HIGD1C: variants seen among roughly 807,000 people sequenced by gnomAD.
HIGD1C encodes HIG1 domain family member 1C.
Under a neutral mutation model 13.1 loss-of-function variants are expected in HIGD1C, and 11 were observed. That is an observed-to-expected ratio of 0.84 (90% CI 0.53 to 1.39). The LOEUF is 1.39. Among genes scored for constraint, HIGD1C ranks in the 40% most tolerant of loss-of-function variants. The pLI, the probability that HIGD1C is intolerant of heterozygous loss-of-function variation, is 0.00. For synonymous variants in HIGD1C, 36 were observed against 37.7 expected (o/e 0.95, Z 0.17); for missense variants, 110 against 112.0 (o/e 0.98, Z 0.08).
upstream of HIGD1C, among the ~76,000 whole-genome samples, chr12:50,950,670 A>ATTTTTTTTT (rs57553489): frequency 1.1e-5 from 1 of 87,686 alleles, no homozygotes; most frequent in Non-Finnish European, 2.1e-5. Flanking sequence ...TGCCCAGCTA[A>ATTTTTTTTT]TTTTTTTTTT....
chr12:50,971,051 T>G (rs1234427124), downstream of HIGD1C, among the ~76,000 whole-genome samples: 2 of 152,110 alleles, frequency 1.3e-5, no homozygotes, highest in African/African-American at 4.8e-5. Context: ...GCTAATTTTT[T>G]GTATTTTTAG....
chr12:50,959,191 C>T (rs1270480552), intron 1 of HIGD1C, among the ~76,000 whole-genome samples: 1 of 152,104 alleles, frequency 6.6e-6, no homozygotes, highest in Non-Finnish European at 1.5e-5. Flanking sequence ...GCAATCTCAG[C>T]TCACTGCAAC....
chr12:50,932,826 G>C, the HIGD1C span, among the ~76,000 whole-genome samples: 1 of 152,300 alleles, frequency 6.6e-6, no homozygotes, highest in Non-Finnish European at 1.5e-5. Flanking sequence ...TCTCTTGAAC[G>C]TGAAAAGTTA....
chr12:50,946,929 C>A, the HIGD1C span, among the ~76,000 whole-genome samples: 2 of 151,990 alleles, frequency 1.3e-5, no homozygotes, highest in African/African-American at 2.4e-5. Context: ...TAAATAAAAA[C>A]AAAAAATAAA....
chr12:50,954,020 T>A (rs1486652123), exon 1 of HIGD1C: 1 of 1,612,188 alleles, frequency 6.2e-7, no homozygotes, highest in Non-Finnish European at 8.5e-7. Flanking sequence ...TAACCAGTGG[T>A]CAGCAGATGA....
chr12:50,963,968 C>T (rs76118172), intron 2 of HIGD1C, among the ~76,000 whole-genome samples: 3,937 of 152,238 alleles, frequency 0.026, 91 homozygotes, highest in East Asian at 0.078. Context: ...CAAAAGCATG[C>T]TAGTTATCTC....
upstream of HIGD1C, among the ~76,000 whole-genome samples, chr12:50,952,076 T>G (rs1442476696): frequency 2.1e-5 from 3 of 143,032 alleles, no homozygotes; most frequent in Non-Finnish European, 3.1e-5. Context: ...TTTTTTTTTT[T>G]TTTTGCTATT....
At chr12:50,971,118 G>A (rs1171892780), downstream of HIGD1C, among the ~76,000 whole-genome samples, 1 of 152,120 alleles carries the variant, frequency 6.6e-6, no homozygotes, top group Admixed American at 6.5e-5. Context: ...GACCTCAGGT[G>A]ATTCACCCAC....
chr12:50,961,252 G>GC, intron 2 of HIGD1C, 150 bp downstream of exon 4: 2 of 846,864 alleles, frequency 2.4e-6, no homozygotes, highest in Non-Finnish European at 1.8e-6. Context: ...TTGAGGTTGT[G>GC]GCCCAGTTGT....
At chr12:50,953,993 A>G (rs1354366218) in exon 1 of HIGD1C, 3 of 1,581,608 alleles carry the variant, frequency 1.9e-6, no homozygotes, top group Admixed American at 1.7e-5. Context: ...GTTACTAGAG[A>G]AAAAAATGTC....
intron 1 of HIGD1C, among the ~76,000 whole-genome samples, chr12:50,958,872 C>G (rs924063809): frequency 1.3e-5 from 2 of 151,318 alleles, no homozygotes; most frequent in African/African-American, 4.8e-5. Flanking sequence ...CAAAAGTTGG[C>G]CAGGTGTGGT....
At chr12:50,937,556 G>A in the HIGD1C span, among the ~76,000 whole-genome samples, 1 of 152,130 alleles carries the variant, frequency 6.6e-6, no homozygotes, top group South Asian at 2.1e-4. Context: ...GCAGAAGGGT[G>A]GTGTGTGCTT....
intron 2 of HIGD1C, among the ~76,000 whole-genome samples, chr12:50,968,686 CA>C (rs1939641996): frequency 6.6e-6 from 1 of 152,014 alleles, no homozygotes; most frequent in Non-Finnish European, 1.5e-5. Context: ...GGATTACAGG[CA>C]CCCGTCACCA....
At chr12:50,960,873 T>G in intron 1 of HIGD1C, 95 bp from the exon 4 acceptor site, 3 of 1,034,254 alleles carry the variant, frequency 2.9e-6, no homozygotes, top group South Asian at 2.0e-5. Flanking sequence ...AGAGATGGGG[T>G]CTTGCTATGT....
chr12:50,962,632 G>A (rs1939381221), intron 2 of HIGD1C, among the ~76,000 whole-genome samples: 1 of 152,234 alleles, frequency 6.6e-6, no homozygotes, highest in African/African-American at 2.4e-5. Flanking sequence ...GGGAGGCAGA[G>A]GTTGCAGTGA....
At chr12:50,947,297 G>A in the HIGD1C span, among the ~76,000 whole-genome samples, 4 of 152,156 alleles carry the variant, frequency 2.6e-5, no homozygotes, top group African/African-American at 9.7e-5. Flanking sequence ...TGACAACTCT[G>A]GAAGACAGAA....
chr12:50,961,137 T>C, intron 2 of HIGD1C, 35 bp downstream of exon 4: 2 of 1,602,814 alleles, frequency 1.2e-6, no homozygotes, highest in African/African-American at 2.7e-5. Flanking sequence ...TGTTCAGCTG[T>C]CTTTGAGAGT....
chr12:50,968,979 G>T (rs536117128), intron 2 of HIGD1C, among the ~76,000 whole-genome samples: 1 of 151,666 alleles, frequency 6.6e-6, no homozygotes, highest in African/African-American at 2.4e-5. Flanking sequence ...ACCACGCACC[G>T]CATTTATATT....
At chr12:50,960,240 A>C (rs1469142216) in intron 1 of HIGD1C, among the ~76,000 whole-genome samples, 1 of 152,196 alleles carries the variant, frequency 6.6e-6, no homozygotes, top group East Asian at 1.9e-4. Flanking sequence ...GTTTCACTTT[A>C]TATAGAAGCA....
Sources: allele counts gnomAD v4.1 joint callset (sites outside exome capture counted in the v4.1 genomes callset), GRCh38; gene constraint gnomAD v4.1.1; transcripts MANE v1.5; gene names NCBI Gene and HGNC (gene_info 2026-07-23, HGNC 2026-07-21).